Variants in COP1 observed in about 807,000 individuals in gnomAD.
The protein encoded by COP1 is COP1 E3 ubiquitin ligase, also known as E3 ubiquitin-protein ligase COP1.
Under a neutral mutation model 101.3 loss-of-function variants are expected in COP1, and 24 were observed. The ratio of observed to expected loss-of-function variants is 0.24; its 90% CI spans 0.17 to 0.33. The LOEUF is 0.33. Ranked by LOEUF, COP1 falls within the 10% of genes least tolerant of loss-of-function variation. The probability of loss-of-function intolerance (pLI) is 1.00; values close to 1 mark genes in which losing one functional copy is unlikely to be tolerated. For synonymous variants in COP1, 347 were observed against 341.9 expected (o/e 1.01, Z -0.17); for missense variants, 663 against 906.2 (o/e 0.73, Z 3.45).
Position 176,206,725 on chromosome 1 carries a change from C to G in COP1, c.254G>C (p.Gly85Ala). Residue 85 changes from glycine (G) to alanine (A), a missense_variant, in exon 1 of 20, where the codon GGC (glycine) becomes GCC (alanine). Coordinates refer to ENST00000367669, the MANE Select transcript of COP1 (RefSeq NM_022457.7). ...GGCCGCGCAGCTGTGCCGGGACAGG[C>G]CCGTGGACACCGCCCCGCCGCCGCT... ...SGSGGGAVSTGLSRHSCAARP... is the reference protein window; with the variant it reads ...SGSGGGAVSTALSRHSCAARP... 6.4e-7 allele frequency: 1 copy of G among 1,574,782 alleles called. No individual in the cohort carries two copies. The highest frequency in any genetic ancestry group is 8.6e-7 in the Non-Finnish European group (1 of 1,167,706).
intron 8 of COP1, among the ~76,000 whole-genome samples, chr1:176,119,662 A>G (rs1450431788): frequency 6.6e-6 from 1 of 151,974 alleles, no homozygotes; most frequent in Non-Finnish European, 1.5e-5. Context: ...ACACACACAC[A>G]CATATAGAAA....
intron 12 of COP1, 56 bp from the exon 13 acceptor site, chr1:176,043,874 A>C (rs1265313844): frequency 3.0e-6 from 3 of 1,014,278 alleles, no homozygotes; most frequent in Admixed American, 3.6e-5. Context: ...CAATGGGATA[A>C]AAATAATTTT....
intron 5 of COP1, among the ~76,000 whole-genome samples, chr1:176,152,219 C>T (rs999704929): frequency 2.6e-5 from 4 of 151,778 alleles, no homozygotes; most frequent in Non-Finnish European, 5.9e-5. Context: ...GTGATCGCAC[C>T]ATTGCAGTCC....
In COP1 at chr1:176,207,009, G is replaced by T; in HGVS notation, c.-31C>A. ...CTCCCTCCCCTCCAGCCGGGCGCTC[G>T]GAGGAGAGGGACCGCGACCTCGACC... On this transcript the variant is annotated 5_prime_UTR_variant, in exon 1 of 20. Transcript: ENST00000367669. 2.2e-6 allele frequency: 3 copies of T among 1,365,506 alleles called. No homozygotes were observed. The highest frequency in any genetic ancestry group is 2.8e-6 in the Non-Finnish European group (3 of 1,062,354). 84.6% of individuals were successfully genotyped at this position (1,365,506 alleles called of 1,614,324 possible). A position where few individuals can be genotyped will look rare whatever the true frequency, so the allele number is the denominator to read the frequency against.
At chr1:176,018,983 T>C (rs967023920) in intron 15 of COP1, among the ~76,000 whole-genome samples, 5 of 148,614 alleles carry the variant, frequency 3.4e-5, no homozygotes, top group Non-Finnish European at 7.4e-5. Flanking sequence ...CTGGCCAACG[T>C]GGTGAAACTC....
rs765055146 is a variant in COP1 at position 175,951,437 on chromosome 1, AATAT to A, written c.2134-4202_2134-4199del. ...AATGTATTTAAATATAAGATACGTG[AATAT>A]ATATATATATATATATATATAAAAA... On this transcript the variant is annotated intron_variant, in intron 18 of 19. Coordinates refer to ENST00000367669, the MANE Select transcript of COP1 (RefSeq NM_022457.7). Among the ~76,000 whole-genome samples the A allele has an allele frequency of 1.9e-3, 200 of 108,018 alleles. 5 individuals are homozygous for A. The highest frequency in any genetic ancestry group is 6.0e-3 in the African/African-American group (177 of 29,336). The allele number at this position is 108,018 out of a possible 152,430, so 70.9% of individuals were successfully genotyped here. A position where few individuals can be genotyped will look rare whatever the true frequency, so the allele number is the denominator to read the frequency against.
At chr1:176,149,824 A>T in intron 5 of COP1, among the ~76,000 whole-genome samples, 1 of 152,220 alleles carries the variant, frequency 6.6e-6, no homozygotes, top group Non-Finnish European at 1.5e-5. Context: ...ATAAAATAAT[A>T]TCAAAAGCTA....
At chr1:176,048,103 T>C (rs1487549053) in intron 11 of COP1, among the ~76,000 whole-genome samples, 1 of 152,044 alleles carries the variant, frequency 6.6e-6, no homozygotes, top group Non-Finnish European at 1.5e-5. Flanking sequence ...ACAAGGACTA[T>C]TTCCCTTAAA....
At chr1:176,057,403 T>C (rs985424654) in intron 11 of COP1, among the ~76,000 whole-genome samples, 5 of 152,178 alleles carry the variant, frequency 3.3e-5, no homozygotes, top group African/African-American at 1.2e-4. Flanking sequence ...TGAACTGTAC[T>C]GCTGCCATCT....
rs1033660731 is a variant in COP1 at position 176,107,940 on chromosome 1, T to C, written c.1026+8684A>G. On this transcript the variant is annotated intron_variant, in intron 9 of 19. Transcript: ENST00000367669. ...AACTTACACTCTTCAAGAATGTTGA[T>C]GTCATAAACTGAAGAACTGTACCAA... Among the ~76,000 whole-genome samples the C allele has an allele frequency of 2.0e-5, 3 of 152,082 alleles. No individual in the cohort carries two copies. In the East Asian group the frequency reaches 5.8e-4, roughly 29 times the overall value.
At chr1:175,998,455 G>A (rs1308404797) in intron 15 of COP1, among the ~76,000 whole-genome samples, 7 of 145,580 alleles carry the variant, frequency 4.8e-5, no homozygotes, top group Non-Finnish European at 7.5e-5. Context: ...AAAACTTAAA[G>A]TATAATAATA....
At chr1:176,096,119 T>A (rs1461094108) in intron 9 of COP1, among the ~76,000 whole-genome samples, 1 of 152,212 alleles carries the variant, frequency 6.6e-6, no homozygotes, top group African/African-American at 2.4e-5. Flanking sequence ...CCTAGTTGTG[T>A]GACAAGAGCC....
intron 1 of COP1, among the ~76,000 whole-genome samples, chr1:176,186,676 A>G (rs994572622): frequency 2.6e-5 from 4 of 152,354 alleles, no homozygotes; most frequent in South Asian, 2.1e-4. Context: ...ACAGTAATGA[A>G]CCAGATCATT....
Position 175,954,806 on chromosome 1 carries a change from A to G in COP1, c.2134-7567T>C, listed in dbSNP as rs542074818. On this transcript the variant is annotated intron_variant, in intron 18 of 19. Coordinates refer to ENST00000367669, the MANE Select transcript of COP1 (RefSeq NM_022457.7). The stretch of plus-strand genomic sequence containing the variant: ...AAATAAAATTACCAACTACTTTTAT[A>G]AACAGATGTAAAAAACCTTAACAAA... 6.6e-5 allele frequency among the ~76,000 whole-genome samples: 10 copies of G among 152,306 alleles called. No homozygotes were observed. In the East Asian group the frequency reaches 1.7e-3, roughly 26 times the overall value.
At chr1:176,204,253 T>C (rs542541798) in intron 1 of COP1, among the ~76,000 whole-genome samples, 12 of 152,332 alleles carry the variant, frequency 7.9e-5, no homozygotes, top group African/African-American at 2.6e-4. Context: ...AAATAAGTTA[T>C]ATATAACATC....
At chr1:176,133,405 T>C (rs922015743) in intron 8 of COP1, among the ~76,000 whole-genome samples, 4 of 151,922 alleles carry the variant, frequency 2.6e-5, no homozygotes, top group African/African-American at 9.7e-5. Flanking sequence ...ATGTGCTCTA[T>C]TATTTTCTTA....
At position 176,184,525 on chromosome 1, in the gene COP1, C is replaced by T. The variant is rs1345618695; in HGVS notation, c.467+108G>A. Reference sequence around the variant, plus strand: ...AGACATGTCAAGAAAAAAAATATGACTGTAACATAATCAAAGTTGGTTTAA... The same window carrying T: ...AGACATGTCAAGAAAAAAAATATGATTGTAACATAATCAAAGTTGGTTTAA... On this transcript the variant is annotated intron_variant, in intron 2 of 19. Coordinates refer to ENST00000367669, the MANE Select transcript of COP1 (RefSeq NM_022457.7). The T allele has an allele frequency of 4.8e-6, 4 of 841,148 alleles. No homozygotes were observed. The East Asian group carries it at 1.0e-4, about 21-fold the overall frequency. 52.1% of individuals were successfully genotyped at this position (841,148 alleles called of 1,614,324 possible). A position where few individuals can be genotyped will look rare whatever the true frequency, so the allele number is the denominator to read the frequency against.
intron 10 of COP1, 115 bp from the exon 11 acceptor site, chr1:176,081,402 A>G: frequency 2.6e-6 from 2 of 772,346 alleles, no homozygotes; most frequent in African/African-American, 3.5e-5. Context: ...CAATTTTTAA[A>G]GATTTTACTA....
chr1:176,061,981 C>G (rs1008626819), intron 11 of COP1, among the ~76,000 whole-genome samples: 23 of 152,060 alleles, frequency 1.5e-4, no homozygotes, highest in African/African-American at 5.3e-4. Flanking sequence ...CATCACTAAA[C>G]AAGAGAAAGA....
Sources: gnomAD v4.1 joint callset for allele counts (sites outside exome capture counted in the v4.1 genomes callset) on GRCh38, gnomAD v4.1.1 for gene constraint, MANE v1.5 for transcripts, NCBI Gene and HGNC (gene_info 2026-07-23, HGNC 2026-07-21) for gene names.